The following HTR4 variants were observed in gnomAD, a reference collection of about 807,000 sequenced individuals.
HTR4 encodes the protein 5-hydroxytryptamine (serotonin) receptor 4, G protein-coupled.
Under a neutral mutation model 36.8 loss-of-function variants are expected in HTR4, and 16 were observed. That is an observed-to-expected ratio of 0.43 (90% CI 0.29 to 0.66). HTR4 has a LOEUF of 0.66. HTR4 is among the 30% of genes least tolerant of loss of function. The pLI is 0.13. For synonymous variants in HTR4, 189 were observed against 185.1 expected, an observed-to-expected ratio of 1.02 and a Z score of -0.17; for missense variants, 438 against 490.9, an observed-to-expected ratio of 0.89 and a Z score of 1.02.
intron 2 of HTR4, among the ~76,000 whole-genome samples, chr5:148,611,321 C>T (rs952859190): frequency 0.019 from 2,947 of 152,126 alleles, 83 homozygotes; most frequent in African/African-American, 0.067. Flanking sequence ...AGACTAACAG[C>T]GGATCTGTCG....
chr5:148,459,495 C>G (rs1433342750), intron 5 of HTR4, among the ~76,000 whole-genome samples: 1 of 152,090 alleles, frequency 6.6e-6, no homozygotes, highest in Non-Finnish European at 1.5e-5. Flanking sequence ...AACTCCAGCC[C>G]CCTTAAGCCA....
chr5:148,490,657 G>C (rs770299347), intron 6 of HTR4: 32 of 1,171,818 alleles, frequency 2.7e-5, no homozygotes, highest in Admixed American at 4.1e-5. Context: ...CTGATATTCG[G>C]TCAATCAACA....
intron 3 of HTR4, 50 bp from the exon 4 acceptor site, chr5:148,548,918 A>C (rs1333478113): frequency 4.6e-6 from 6 of 1,317,720 alleles, no homozygotes; most frequent in South Asian, 2.4e-5. Context: ...GATGAAGGGA[A>C]AAAGGGGAGG....
chr5:148,544,300 C>CTT (rs1759270103), intron 4 of HTR4, among the ~76,000 whole-genome samples: 3 of 41,812 alleles, frequency 7.2e-5, no homozygotes, highest in African/African-American at 6.7e-4. Context: ...TCTCTCTCCA[C>CTT]CTCTCTTTCT....
intron 6 of HTR4, among the ~76,000 whole-genome samples, chr5:148,485,730 C>T (rs1056392805): frequency 3.3e-5 from 5 of 151,874 alleles, no homozygotes; most frequent in East Asian, 1.9e-4. Context: ...GAGGAAAGTC[C>T]GGAAGACAAA....
chr5:148,559,105 GTGATCACCTGACTGAT>G (rs1303866287), intron 2 of HTR4, among the ~76,000 whole-genome samples: 1 of 152,142 alleles, frequency 6.6e-6, no homozygotes, highest in Admixed American at 6.5e-5. Context: ...GTTTACCTTC[GTGATCACCTGACTGAT>G]TGAGAGTTGG....
At chr5:148,634,925 T>C (rs1490012319) in intron 2 of HTR4, among the ~76,000 whole-genome samples, 1 of 152,202 alleles carries the variant, frequency 6.6e-6, no homozygotes, top group Non-Finnish European at 1.5e-5. Context: ...TTCTGGTTCA[T>C]GCTTTTAAAA....
intron 2 of HTR4, among the ~76,000 whole-genome samples, chr5:148,626,340 A>G (rs1753104519): frequency 6.6e-6 from 1 of 152,214 alleles, no homozygotes; most frequent in African/African-American, 2.4e-5. Context: ...CTAAAGTACT[A>G]AATTAGTTGA....
intron 4 of HTR4, among the ~76,000 whole-genome samples, chr5:148,536,394 A>G (rs1306763157): frequency 1.3e-5 from 2 of 152,200 alleles, no homozygotes; most frequent in Non-Finnish European, 2.9e-5. Flanking sequence ...AACATTAACC[A>G]TGAATGTAAA....
chr5:148,558,723 T>C (rs1374712632), intron 2 of HTR4, among the ~76,000 whole-genome samples: 1 of 152,156 alleles, frequency 6.6e-6, no homozygotes, highest in Non-Finnish European at 1.5e-5. Flanking sequence ...CCCACTCTAT[T>C]TCTTAAAAAC....
At chr5:148,550,697 C>T (rs1759638801) in intron 2 of HTR4, among the ~76,000 whole-genome samples, 1 of 152,126 alleles carries the variant, frequency 6.6e-6, no homozygotes, top group African/African-American at 2.4e-5. Flanking sequence ...GTTTTAGTTG[C>T]CATGGACCCC....
intron 6 of HTR4, among the ~76,000 whole-genome samples, chr5:148,506,791 C>T (rs548837654): frequency 2.0e-5 from 3 of 152,256 alleles, no homozygotes; most frequent in South Asian, 4.1e-4. Flanking sequence ...CATCACTGGC[C>T]GTCAGAGAAA....
At chr5:148,474,517 A>G (rs1755648526), downstream of HTR4, among the ~76,000 whole-genome samples, 1 of 152,190 alleles carries the variant, frequency 6.6e-6, no homozygotes, top group African/African-American at 2.4e-5. Flanking sequence ...TCGAAATTAA[A>G]TTATCTGATC....
chr5:148,592,128 A>G (rs1336566907), intron 2 of HTR4, among the ~76,000 whole-genome samples: 1 of 151,684 alleles, frequency 6.6e-6, no homozygotes, highest in Non-Finnish European at 1.5e-5. Context: ...GTAAACTAAC[A>G]TAGGAACAAA....
At chr5:148,527,700 C>T (rs112387841) in intron 4 of HTR4, among the ~76,000 whole-genome samples, 6 of 152,142 alleles carry the variant, frequency 3.9e-5, no homozygotes, top group East Asian at 3.9e-4. Context: ...CTGCAACCTC[C>T]GCCTCCCAGG....
intron 5 of HTR4, among the ~76,000 whole-genome samples, chr5:148,457,866 G>GATATATCATTAAAATTTTATCATTAA (rs1205755556): frequency 3.8e-5 from 5 of 131,490 alleles, no homozygotes; most frequent in African/African-American, 1.4e-4. Flanking sequence ...CATATATTTT[G>GATATATCATTAAAATTTTATCATTAA]ATATATCATT....
chr5:148,499,467 G>T (rs1034423031), intron 6 of HTR4, among the ~76,000 whole-genome samples: 1 of 152,070 alleles, frequency 6.6e-6, no homozygotes, highest in Non-Finnish European at 1.5e-5. Context: ...TTGCCCCCAT[G>T]GTTGAATTTT....
At chr5:148,548,552 T>C (rs1368097331) in intron 4 of HTR4, 116 bp downstream of exon 4, 1 of 898,000 alleles carries the variant, frequency 1.1e-6, no homozygotes, top group East Asian at 2.7e-5. Flanking sequence ...AATTATCAAA[T>C]TTACCTCTCT....
chr5:148,569,094 G>A (rs1760569326), intron 2 of HTR4, among the ~76,000 whole-genome samples: 1 of 151,528 alleles, frequency 6.6e-6, no homozygotes, highest in Non-Finnish European at 1.5e-5. Context: ...TTTTTTATCA[G>A]AAGGAGATCT....
Sources: allele counts gnomAD v4.1 joint callset (sites outside exome capture counted in the v4.1 genomes callset), GRCh38; gene constraint gnomAD v4.1.1; transcripts MANE v1.5; gene names NCBI Gene and HGNC (gene_info 2026-07-23, HGNC 2026-07-21).